The following AGAP3 variants were observed in gnomAD, a reference collection of about 807,000 sequenced individuals.
AGAP3 encodes arf-GAP with GTPase, ANK repeat and PH domain-containing protein 3.
In AGAP3, 24 loss-of-function variants were observed where a neutral mutation model predicts 96.9. That is an observed-to-expected ratio of 0.25 (90% CI 0.18 to 0.35). AGAP3 has a LOEUF of 0.35. AGAP3 is among the 10% of genes least tolerant of loss of function. AGAP3 has a pLI of 1.00. For missense variants in AGAP3, 876 were observed against 1,254.2 expected, an observed-to-expected ratio of 0.70 and a Z score of 4.55; for synonymous variants, 563 against 536.1, an observed-to-expected ratio of 1.05 and a Z score of -0.69.
intron 1 of AGAP3, among the ~76,000 whole-genome samples, chr7:151,115,863 C>T (rs1012510723): frequency 6.6e-6 from 1 of 152,234 alleles, no homozygotes. Context: ...GAAGAGGAGA[C>T]TCACCAGAGT....
chr7:151,102,236 A>G (rs1406164018), intron 1 of AGAP3, among the ~76,000 whole-genome samples: 1 of 152,254 alleles, frequency 6.6e-6, no homozygotes, highest in Non-Finnish European at 1.5e-5. Context: ...ACAGCGGCCC[A>G]GAGCTCCGGT....
chr7:151,094,503 ACT>A, intron 1 of AGAP3, among the ~76,000 whole-genome samples: 1 of 150,456 alleles, frequency 6.6e-6, no homozygotes, highest in East Asian at 2.0e-4. Context: ...AGACTAAATG[ACT>A]CTCGTTGTTT....
chr7:151,105,976 CACCA>C (rs1338282361), intron 1 of AGAP3, among the ~76,000 whole-genome samples: 5 of 150,226 alleles, frequency 3.3e-5, no homozygotes, highest in African/African-American at 9.8e-5. Context: ...GACAGGAAAA[CACCA>C]ACCAATCTGA....
Position 151,095,728 on chromosome 7 carries a change from G to A in AGAP3, c.331+8656G>A, listed in dbSNP as rs796748055. 3.3e-3 allele frequency among the ~76,000 whole-genome samples: 358 copies of A among 108,084 alleles called. 5 individuals carry two copies. Among genetic ancestry groups the A allele is most frequent in the African/African-American group, 0.013 (321 of 25,674 alleles). The allele number at this position is 108,084 out of a possible 152,430, so 70.9% of individuals were successfully genotyped here. ...AAAAAAAAAAAAAAAAAAAAAAAAA[G>A]ATACCAGAAAGGCAAGCCCCAGAGC... On this transcript the variant is annotated intron_variant, in intron 1 of 17. Coordinates refer to ENST00000397238, the MANE Select transcript of AGAP3 (RefSeq NM_031946.7).
intron 1 of AGAP3, among the ~76,000 whole-genome samples, chr7:151,113,118 G>T (rs1298921207): frequency 1.3e-5 from 2 of 152,174 alleles, no homozygotes; most frequent in Admixed American, 6.5e-5. Context: ...TCCCTGTTGT[G>T]CGTGAGAGAG....
At chr7:151,090,327 G>C (rs1718768588) in intron 1 of AGAP3, among the ~76,000 whole-genome samples, 1 of 151,286 alleles carries the variant, frequency 6.6e-6, no homozygotes, top group Admixed American at 6.6e-5. Flanking sequence ...CCGGAGCTGG[G>C]CTTTGTCAGC....
chr7:151,111,062 G>C (rs1307929934), intron 1 of AGAP3, among the ~76,000 whole-genome samples: 3 of 152,154 alleles, frequency 2.0e-5, no homozygotes, highest in Admixed American at 6.5e-5. Flanking sequence ...GATTCCCTAA[G>C]CTCCAACTTG....
chr7:151,117,515 T>C, intron 4 of AGAP3, 59 bp downstream of exon 4: 1 of 1,613,510 alleles, frequency 6.2e-7, no homozygotes, highest in East Asian at 2.2e-5. Context: ...TTCTCGAGCT[T>C]GCTGGTTGGG....
intron 10 of AGAP3, among the ~76,000 whole-genome samples, chr7:151,132,650 G>A (rs1453871257): frequency 1.3e-5 from 2 of 152,228 alleles, no homozygotes; most frequent in Admixed American, 1.3e-4. Flanking sequence ...GCGTGCTGAT[G>A]CCAGGCCTTT....
intron 9 of AGAP3, among the ~76,000 whole-genome samples, chr7:151,126,230 G>A (rs1800162636): frequency 6.6e-6 from 1 of 152,206 alleles, no homozygotes; most frequent in South Asian, 2.1e-4. Flanking sequence ...GGAGGGAGGA[G>A]CCACACGTGT....
At chr7:151,088,935 C>T (rs1479729399) in intron 1 of AGAP3, among the ~76,000 whole-genome samples, 1 of 152,198 alleles carries the variant, frequency 6.6e-6, no homozygotes, top group South Asian at 2.1e-4. Flanking sequence ...CCTGGAAGCT[C>T]GGCCTCACCC....
chr7:151,116,980 C>A, intron 2 of AGAP3, 115 bp from the exon 3 acceptor site: 7 of 1,474,224 alleles, frequency 4.7e-6, no homozygotes, highest in Non-Finnish European at 5.7e-6. Context: ...TCTGCCCTCT[C>A]TCCTCCCCTT....
Position 151,117,291 on chromosome 7 carries a change from C to T in AGAP3, c.479-80C>T, listed in dbSNP as rs562833008. The T allele has an allele frequency of 2.0e-4, 324 of 1,597,894 alleles. 2 individuals carry two copies. In the South Asian group the frequency reaches 3.1e-3, roughly 15 times the overall value. On this transcript the variant is annotated intron_variant, in intron 3 of 17. Coordinates refer to ENST00000397238, the MANE Select transcript of AGAP3 (RefSeq NM_031946.7). ...GCCCCCTTCCAGTCCTCTTCCCTCC[C>T]GCATGGGAAGCTGTAGATTTCTTCT...
At chr7:151,119,886 C>A in intron 7 of AGAP3, 101 bp from the exon 8 acceptor site, 1 of 1,181,272 alleles carries the variant, frequency 8.5e-7, no homozygotes, top group Admixed American at 2.1e-5. Context: ...TGCCCATGAG[C>A]CCCGGCCAGG....
intron 1 of AGAP3, chr7:151,090,454 G>A (rs907789266): frequency 4.2e-5 from 6 of 143,716 alleles, no homozygotes; most frequent in East Asian, 2.1e-4. Context: ...CCAGCAGAGC[G>A]TTCTCACTGT....
intron 1 of AGAP3, 199 bp downstream of exon 1, chr7:151,087,271 G>A: frequency 1.6e-6 from 1 of 624,898 alleles, no homozygotes; most frequent in Non-Finnish European, 2.8e-6. Flanking sequence ...ACACTTTGGG[G>A]TTGGGGGTTT....
rs898039170 is a variant in AGAP3, at chr7:151,108,632, C to T, written c.332-8161C>T. On this transcript the variant is annotated intron_variant, in intron 1 of 17. Transcript: ENST00000397238. This position sits in a 1 kb window ranked among gnomAD's most constrained non-coding sequence, Gnocchi z 4.2. ...CTACGCCAGTCCAGACTGCCAGCCG[C>T]GTCACCTTGAGGCAGGGTGGGGCAG... Among the ~76,000 whole-genome samples, 2 of 152,220 alleles carry T rather than the reference C, an allele frequency of 1.3e-5. No homozygotes were observed. The highest frequency in any genetic ancestry group is 2.4e-5 in the African/African-American group (1 of 41,464).
At chr7:151,136,975 C>T (rs1187379360) in intron 11 of AGAP3, among the ~76,000 whole-genome samples, 1 of 152,228 alleles carries the variant, frequency 6.6e-6, no homozygotes, top group Non-Finnish European at 1.5e-5. Flanking sequence ...CCTGTAGCCT[C>T]TGTGCTGCAC....
rs1245911359 is a variant in AGAP3 at position 151,139,653 on chromosome 7, G to A, written c.1667-326G>A. 2.2e-5 allele frequency: 5 copies of A among 225,400 alleles called. No individual in the cohort carries two copies. The highest frequency in any genetic ancestry group is 5.7e-5 in the Admixed American group (1 of 17,396). The allele number at this position is 225,400 out of a possible 1,614,324, so 14.0% of individuals were successfully genotyped here. On this transcript the variant is annotated intron_variant, in intron 12 of 17. Transcript: ENST00000397238. This position sits in a 1 kb window ranked among gnomAD's most constrained non-coding sequence, Gnocchi z 4.9. ...GTGTGATTGAGGATAAATTTGGTGC[G>A]GAGCTGCTGGGGCTTCAGCTCCCCG...
Sources: allele counts gnomAD v4.1 joint callset (sites outside exome capture counted in the v4.1 genomes callset), GRCh38; gene constraint gnomAD v4.1.1; non-coding constraint Gnocchi (gnomAD v3.1); transcripts MANE v1.5; gene names NCBI Gene and HGNC (gene_info 2026-07-23, HGNC 2026-07-21).